CSMD1: variants seen among roughly 807,000 people sequenced by gnomAD.
CSMD1 encodes the protein CUB and Sushi multiple domains 1, also known as CUB and sushi domain-containing protein 1.
In CSMD1, 213 loss-of-function variants were observed where a neutral mutation model predicts 417.5. The ratio of observed to expected loss-of-function variants is 0.51; its 90% confidence interval spans 0.46 to 0.57. The LOEUF is 0.57. Ranked by LOEUF, CSMD1 falls within the 20% of genes least tolerant of loss-of-function variation. The probability of loss-of-function intolerance (pLI) is 0.00; values close to 1 mark genes in which losing one functional copy is unlikely to be tolerated. For missense variants in CSMD1, 6,923 were observed against 4,529.7 expected (o/e 1.53, Z -15.17); for synonymous variants, 2,862 against 1,736.8 (o/e 1.65, Z -16.11).
chr8:3,372,164 A>C (rs1809997619), intron 18 of CSMD1, among the ~76,000 whole-genome samples: 1 of 152,210 alleles, frequency 6.6e-6, no homozygotes, highest in Admixed American at 6.5e-5. Context: ...GCGGTGCCGT[A>C]CTTAGGAAGT....
At chr8:4,566,815 A>T (rs1039670726) in intron 2 of CSMD1, among the ~76,000 whole-genome samples, 1 of 152,048 alleles carries the variant, frequency 6.6e-6, no homozygotes, top group Non-Finnish European at 1.5e-5. Flanking sequence ...TGTTTCAGCA[A>T]AGTTATCTGG....
chr8:4,888,188 A>G (rs1803876990), intron 1 of CSMD1, among the ~76,000 whole-genome samples: 1 of 152,078 alleles, frequency 6.6e-6, no homozygotes, highest in African/African-American at 2.4e-5. Context: ...TCCATATTGT[A>G]TTCATGAAGT....
At chr8:4,619,432 G>A (rs1801649249) in intron 2 of CSMD1, among the ~76,000 whole-genome samples, 1 of 152,122 alleles carries the variant, frequency 6.6e-6, no homozygotes, top group Non-Finnish European at 1.5e-5. Context: ...TCAACTAGCG[G>A]TCGTCGTTGT....
chr8:3,286,054 C>T (rs572766603), intron 25 of CSMD1, among the ~76,000 whole-genome samples: 1 of 152,218 alleles, frequency 6.6e-6, no homozygotes, highest in Admixed American at 6.5e-5. Context: ...TCAACTCCCA[C>T]CTATGAGTGA....
chr8:3,374,595 G>A (rs941100472), intron 18 of CSMD1, among the ~76,000 whole-genome samples: 3 of 152,166 alleles, frequency 2.0e-5, no homozygotes, highest in African/African-American at 7.2e-5. Flanking sequence ...AGTGATGAAT[G>A]CACATCCTGG....
chr8:4,959,578 C>A (rs1326112177), intron 1 of CSMD1, among the ~76,000 whole-genome samples: 1 of 152,236 alleles, frequency 6.6e-6, no homozygotes, highest in Non-Finnish European at 1.5e-5. Flanking sequence ...TCACCCGATA[C>A]CTATCTAACT....
intron 3 of CSMD1, among the ~76,000 whole-genome samples, chr8:4,080,328 G>C (rs567581654): frequency 1.2e-4 from 19 of 152,206 alleles, no homozygotes; most frequent in African/African-American, 2.4e-4. Flanking sequence ...TCTTACCCGT[G>C]AGTACTTCAC....
chr8:4,158,553 T>C (rs576783939), intron 3 of CSMD1, among the ~76,000 whole-genome samples: 9 of 152,282 alleles, frequency 5.9e-5, no homozygotes, highest in African/African-American at 2.2e-4. Flanking sequence ...CTAGGTTGTG[T>C]CCTAGGTTCA....
chr8:3,500,040 G>A (rs80168614), intron 10 of CSMD1, among the ~76,000 whole-genome samples: 2 of 152,064 alleles, frequency 1.3e-5, no homozygotes, highest in Non-Finnish European at 2.9e-5. Context: ...CATCTGGGGT[G>A]GGAGTGTGAC....
At chr8:3,709,681 T>C (rs77851270) in intron 6 of CSMD1, among the ~76,000 whole-genome samples, 1,893 of 72,166 alleles carry the variant, frequency 0.026, 221 homozygotes, top group African/African-American at 0.045. Flanking sequence ...CAGCAGCATG[T>C]TTTTTTTTTT....
chr8:3,776,423 T>C (rs573973604), intron 5 of CSMD1, among the ~76,000 whole-genome samples: 36 of 152,328 alleles, frequency 2.4e-4, no homozygotes, highest in African/African-American at 8.4e-4. Flanking sequence ...TTCTCACTCC[T>C]GTCCTTCTCT....
At chr8:4,610,979 C>G (rs1801137412) in intron 2 of CSMD1, among the ~76,000 whole-genome samples, 1 of 152,194 alleles carries the variant, frequency 6.6e-6, no homozygotes. Context: ...GTATCTGCAT[C>G]CTTTCCTTGG....
In CSMD1 at chr8:4,132,023, C is replaced by G. The variant is rs903058750; in HGVS notation, c.416-99924G>C. Among the ~76,000 whole-genome samples the G allele has an allele frequency of 2.6e-5, 4 of 152,044 alleles. No homozygotes were observed. The East Asian group carries it at 7.7e-4, about 29-fold the overall frequency. ...TCGTGATCCCTGTGACTATTTCTAT[C>G]AGAATCCCTTCTTGATGGCATAACA... On this transcript the variant is annotated intron_variant, in intron 3 of 69. Coordinates refer to ENST00000635120, the MANE Select transcript of CSMD1 (RefSeq NM_033225.6).
At chr8:4,196,642 C>T (rs1267598715) in intron 3 of CSMD1, among the ~76,000 whole-genome samples, 1 of 152,168 alleles carries the variant, frequency 6.6e-6, no homozygotes, top group East Asian at 1.9e-4. Context: ...GTCCAGTCCT[C>T]ATTGAATCTT....
chr8:4,536,174 G>C (rs867333598), intron 2 of CSMD1, among the ~76,000 whole-genome samples: 3 of 152,080 alleles, frequency 2.0e-5, no homozygotes, highest in Non-Finnish European at 1.5e-5. Context: ...AAGGAGATTT[G>C]TTTTATTTGA....
intron 20 of CSMD1, among the ~76,000 whole-genome samples, chr8:3,361,163 A>T (rs1809138526): frequency 6.6e-6 from 1 of 152,206 alleles, no homozygotes; most frequent in Non-Finnish European, 1.5e-5. Context: ...ATTGAACTCA[A>T]CAAACATTAA....
chr8:3,374,189 AG>A (rs112486399), intron 18 of CSMD1, among the ~76,000 whole-genome samples: 46,026 of 151,628 alleles, frequency 0.3, 7,716 homozygotes, highest in African/African-American at 0.47. Context: ...CCTGACCTCA[AG>A]TCATCTACCT....
chr8:3,369,783 G>C (rs1563319339), intron 18 of CSMD1, among the ~76,000 whole-genome samples: 1 of 152,190 alleles, frequency 6.6e-6, no homozygotes, highest in Non-Finnish European at 1.5e-5. Context: ...AGAAGAGAAA[G>C]TTTTATGTAA....
intron 1 of CSMD1, among the ~76,000 whole-genome samples, chr8:4,840,106 T>C (rs1800751268): frequency 6.6e-6 from 1 of 152,234 alleles, no homozygotes; most frequent in Non-Finnish European, 1.5e-5. Context: ...GTCCACTCAC[T>C]TAGACTCCAC....
Sources: gnomAD v4.1 joint callset for allele counts (sites outside exome capture counted in the v4.1 genomes callset) on GRCh38, gnomAD v4.1.1 for gene constraint, MANE v1.5 for transcripts, NCBI Gene and HGNC (gene_info 2026-07-23, HGNC 2026-07-21) for gene names.